The following ATRNL1 variants were observed in gnomAD, a reference collection of about 807,000 sequenced individuals.
The protein encoded by ATRNL1 is attractin like 1.
Under a neutral mutation model 182.7 loss-of-function variants are expected in ATRNL1, and 95 were observed. The ratio of observed to expected loss-of-function variants is 0.52; its 90% CI spans 0.44 to 0.62. The LOEUF is 0.62. Ranked by LOEUF, ATRNL1 falls within the 20% of genes least tolerant of loss-of-function variation. ATRNL1 has a pLI of 0.00. For missense variants in ATRNL1, 1,471 were observed against 1,679.5 expected (o/e 0.88, Z 2.17); for synonymous variants, 576 against 568.3 (o/e 1.01, Z -0.19).
At chr10:115,544,296 G>A (rs1592826481) in intron 25 of ATRNL1, among the ~76,000 whole-genome samples, 1 of 151,970 alleles carries the variant, frequency 6.6e-6, no homozygotes, top group African/African-American at 2.4e-5. Flanking sequence ...AAGTCCAGTG[G>A]GCAAAAAAGG....
intron 18 of ATRNL1, among the ~76,000 whole-genome samples, chr10:115,332,156 C>T (rs950660670): frequency 2.6e-5 from 4 of 152,180 alleles, no homozygotes; most frequent in Admixed American, 6.5e-5. Context: ...TGCCTATCTC[C>T]GGCTTCCTCT....
intron 26 of ATRNL1, among the ~76,000 whole-genome samples, chr10:115,554,954 T>C (rs1554996651): frequency 6.6e-6 from 1 of 151,826 alleles, no homozygotes; most frequent in Non-Finnish European, 1.5e-5. Context: ...GTAGTCTCGC[T>C]AACCACAAAA....
intron 24 of ATRNL1, among the ~76,000 whole-genome samples, chr10:115,503,250 T>C (rs537805373): frequency 6.6e-6 from 1 of 152,162 alleles, no homozygotes. Flanking sequence ...AGGAATTGTT[T>C]CGATAAACTG....
intron 26 of ATRNL1, among the ~76,000 whole-genome samples, chr10:115,620,533 TA>T (rs1305382001): frequency 1.3e-5 from 2 of 152,164 alleles, no homozygotes; most frequent in African/African-American, 4.8e-5. Context: ...AAACCCAGGC[TA>T]AAAAATATAT....
At chr10:115,777,432 TTGTTA>T (rs1471128181) in intron 27 of ATRNL1, among the ~76,000 whole-genome samples, 1 of 152,162 alleles carries the variant, frequency 6.6e-6, no homozygotes, top group African/African-American at 2.4e-5. Flanking sequence ...AATTTTGACT[TTGTTA>T]TATCAAGAAA....
chr10:115,108,712 C>A (rs919260873), intron 1 of ATRNL1, among the ~76,000 whole-genome samples: 4 of 152,294 alleles, frequency 2.6e-5, no homozygotes, highest in African/African-American at 9.6e-5. Context: ...TTCCTGTCAG[C>A]ATTCACCCAT....
intron 18 of ATRNL1, among the ~76,000 whole-genome samples, chr10:115,319,634 T>C (rs547902524): frequency 2.0e-5 from 3 of 152,180 alleles, no homozygotes; most frequent in African/African-American, 4.8e-5. Context: ...TTTATCATTA[T>C]GTAATGCCTT....
At chr10:115,666,708 C>G (rs1555039775) in intron 26 of ATRNL1, among the ~76,000 whole-genome samples, 1 of 152,048 alleles carries the variant, frequency 6.6e-6, no homozygotes, top group African/African-American at 2.4e-5. Flanking sequence ...ATACCAGCAT[C>G]ATATCAAATC....
intron 28 of ATRNL1, among the ~76,000 whole-genome samples, chr10:115,867,139 T>TA (rs1565447572): frequency 6.6e-6 from 1 of 152,182 alleles, no homozygotes; most frequent in Non-Finnish European, 1.5e-5. Context: ...TTTTTTTCTT[T>TA]AAAAAAATAA....
At chr10:115,926,801 G>A (rs1368718040) in intron 28 of ATRNL1, among the ~76,000 whole-genome samples, 3 of 152,108 alleles carry the variant, frequency 2.0e-5, no homozygotes, top group Non-Finnish European at 4.4e-5. Context: ...TCTAGGACCA[G>A]AAGGATTCAC....
At chr10:115,469,468 G>A (rs1012571627) in intron 24 of ATRNL1, 139 bp downstream of exon 24, 2 of 456,634 alleles carry the variant, frequency 4.4e-6, no homozygotes, top group East Asian at 7.2e-5. Context: ...ATAAATAAAG[G>A]TCTGCGAATG....
At chr10:115,325,685 A>C (rs1020358647) in intron 18 of ATRNL1, among the ~76,000 whole-genome samples, 1 of 152,062 alleles carries the variant, frequency 6.6e-6, no homozygotes, top group African/African-American at 2.4e-5. Context: ...AATTTTTCTT[A>C]TTCAGGAAAG....
intron 20 of ATRNL1, among the ~76,000 whole-genome samples, chr10:115,395,329 T>C (rs111877058): frequency 9.9e-5 from 15 of 152,098 alleles, no homozygotes; most frequent in African/African-American, 3.6e-4. Context: ...TGCATGTGTC[T>C]TTTTGGTAGA....
chr10:115,886,927 G>A (rs1276817329), intron 28 of ATRNL1, among the ~76,000 whole-genome samples: 7 of 152,162 alleles, frequency 4.6e-5, no homozygotes, highest in Admixed American at 3.3e-4. Context: ...TCAAATTTGA[G>A]TACAGACTGT....
intron 24 of ATRNL1, among the ~76,000 whole-genome samples, chr10:115,469,598 A>G (rs966102807): frequency 6.6e-6 from 1 of 150,698 alleles, no homozygotes; most frequent in Middle Eastern, 3.4e-3. Context: ...TGGTTTTCTG[A>G]TTAATTATAT....
chr10:115,793,892 A>G (rs775189042), intron 27 of ATRNL1, among the ~76,000 whole-genome samples: 1 of 152,166 alleles, frequency 6.6e-6, no homozygotes, highest in Non-Finnish European at 1.5e-5. Context: ...TGATTATACT[A>G]AAAATCAATG....
rs562841891 is a variant in ATRNL1, at chr10:115,704,255, G to GT, written c.3796-22992dup. Among the ~76,000 whole-genome samples the GT allele has an allele frequency of 8.6e-4, 130 of 151,924 alleles. 2 individuals carry two copies. The South Asian group carries it at 0.026, about 31-fold the overall frequency. ...GGCAATATTTGACATTTCTTGACTT[G>GT]TAAGTGCATCCCTTTGATCTTTGCC... On this transcript the variant is annotated intron_variant, in intron 26 of 28. Coordinates refer to ENST00000355044, the MANE Select transcript of ATRNL1 (RefSeq NM_207303.4).
chr10:115,342,382 A>G (rs1452419804), intron 19 of ATRNL1, among the ~76,000 whole-genome samples: 2 of 151,658 alleles, frequency 1.3e-5, no homozygotes, highest in South Asian at 4.1e-4. Context: ...GTTACCATGA[A>G]TCTTGCAAAA....
chr10:115,410,551 C>A (rs1554959661), intron 20 of ATRNL1, among the ~76,000 whole-genome samples: 1 of 151,968 alleles, frequency 6.6e-6, no homozygotes, highest in Non-Finnish European at 1.5e-5. Context: ...GATCTCTTGA[C>A]CTCATGATCT....
Sources: gnomAD v4.1 joint callset for allele counts (sites outside exome capture counted in the v4.1 genomes callset) on GRCh38, gnomAD v4.1.1 for gene constraint, MANE v1.5 for transcripts, NCBI Gene and HGNC (gene_info 2026-07-23, HGNC 2026-07-21) for gene names.